SPNS2: variants seen among roughly 807,000 people sequenced by gnomAD.
SPNS2 encodes the protein sphingosine-1-phosphate transporter SPNS2.
Under a neutral mutation model 57.6 loss-of-function variants are expected in SPNS2, and 37 were observed. The ratio of observed to expected loss-of-function variants is 0.64; its 90% CI spans 0.49 to 0.85. SPNS2 has a LOEUF of 0.85. Ranked by LOEUF, SPNS2 falls within the 40% of genes least tolerant of loss-of-function variation. The pLI, the probability that SPNS2 is intolerant of heterozygous loss-of-function variation, is 0.00. For synonymous variants in SPNS2, 440 were observed against 346.9 expected (o/e 1.27, Z -2.98); for missense variants, 831 against 779.1 (o/e 1.07, Z -0.79).
Position 4,513,114 on chromosome 17 carries a change from G to C in SPNS2, c.371-133G>C, listed in dbSNP as rs1378970355. On this transcript the variant is annotated intron_variant, in intron 1 of 12. Coordinates refer to ENST00000329078, the MANE Select transcript of SPNS2 (RefSeq NM_001124758.3). The stretch of plus-strand genomic sequence containing the variant: ...AAGCCTGGGAAACCTGGGCAGGGTA[G>C]AGGTCGCAGCAGAGCAGGAGTGCCG... 6.4e-6 allele frequency: 6 copies of C among 936,742 alleles called. No individual in the cohort carries two copies. The African/African-American group carries it at 9.7e-5, about 15-fold the overall frequency. The allele number at this position is 936,742 out of a possible 1,614,324, so 58.0% of individuals were successfully genotyped here.
intron 9 of SPNS2, among the ~76,000 whole-genome samples, chr17:4,535,114 C>G (rs115533758): frequency 6.6e-6 from 1 of 152,120 alleles, no homozygotes; most frequent in Admixed American, 6.5e-5. Flanking sequence ...AGCTGGAGCT[C>G]GGGGAACAGG....
chr17:4,538,801 T>TGGGGTG lies in SPNS2; in HGVS notation c.*1361_*1366dup, dbSNP rs1597374109. The TGGGGTG allele has an allele frequency of 2.6e-6, 2 of 758,828 alleles. No homozygotes were observed. The highest frequency in any genetic ancestry group is 3.7e-5 in the Admixed American group (2 of 53,428). The allele number at this position is 758,828 out of a possible 1,614,324, so 47.0% of individuals were successfully genotyped here. On this transcript the variant is annotated 3_prime_UTR_variant, in exon 13 of 13. Coordinates refer to ENST00000329078, the MANE Select transcript of SPNS2 (RefSeq NM_001124758.3). ...GTACCCCGAGGGCCTGACAAGAGGA[T>TGGGGTG]GGGGTGGGGGTGGCATCCTCCAAAG...
At chr17:4,532,938 G>C (rs377184157) in intron 6 of SPNS2, 39 bp from the exon 7 acceptor site, 6 of 1,586,218 alleles carry the variant, frequency 3.8e-6, no homozygotes, top group Middle Eastern at 3.6e-4. Context: ...GGGTGAAGGA[G>C]GTCCCTGAGC....
At chr17:4,525,922 G>C (rs371886066) in intron 3 of SPNS2, among the ~76,000 whole-genome samples, 3 of 152,348 alleles carry the variant, frequency 2.0e-5, no homozygotes, top group African/African-American at 7.2e-5. Context: ...GTGAGGTAGT[G>C]AGTTCCCCAT....
intron 10 of SPNS2, 23 bp downstream of exon 10, chr17:4,536,197 T>A (rs368768195): frequency 6.8e-6 from 11 of 1,608,360 alleles, no homozygotes; most frequent in African/African-American, 4.0e-5. Flanking sequence ...GGGGTGGGGC[T>A]GGCCAGGGCA....
Position 4,538,033 on chromosome 17 carries a change from G to C in SPNS2, c.*585G>C, listed in dbSNP as rs754107640. ...CGCAACCTGGCAAATGAAGCTGGGC[G>C]CCCAAGTCTCTGGGTACTCCCTGGA... is the stretch of plus-strand genomic sequence containing the variant. On this transcript the variant is annotated 3_prime_UTR_variant, in exon 13 of 13. Transcript: ENST00000329078. The C allele has an allele frequency of 8.5e-6, 3 of 351,324 alleles. No individual in the cohort carries two copies. The highest frequency in any genetic ancestry group is 3.8e-5 in the Admixed American group (1 of 26,394). 21.8% of individuals were successfully genotyped at this position (351,324 alleles called of 1,614,324 possible).
intron 2 of SPNS2, among the ~76,000 whole-genome samples, chr17:4,522,459 C>T (rs1905163360): frequency 6.6e-6 from 1 of 152,186 alleles, no homozygotes. Context: ...CACCCACGCG[C>T]ACTCACTGGC....
At chr17:4,516,325 A>G (rs1234525421) in intron 2 of SPNS2, among the ~76,000 whole-genome samples, 1 of 113,228 alleles carries the variant, frequency 8.8e-6, no homozygotes, top group Non-Finnish European at 1.7e-5. Context: ...CCAAAAAAAA[A>G]AAAAAAAAAA....
chr17:4,530,539 G>C (rs1905416987), intron 3 of SPNS2, 93 bp from the exon 4 acceptor site: 4 of 1,457,200 alleles, frequency 2.7e-6, no homozygotes, highest in Non-Finnish European at 3.8e-6. Flanking sequence ...CTGGCTCCTG[G>C]GCCCTGCAGG....
chr17:4,502,472 G>A (rs1904548112), intron 1 of SPNS2, among the ~76,000 whole-genome samples: 1 of 152,120 alleles, frequency 6.6e-6, no homozygotes, highest in Admixed American at 6.6e-5. Flanking sequence ...TTGAAACCCA[G>A]TATGTGTATT....
At chr17:4,515,552 CAGCT>C (rs1196014984) in intron 2 of SPNS2, among the ~76,000 whole-genome samples, 2 of 152,222 alleles carry the variant, frequency 1.3e-5, no homozygotes, top group Non-Finnish European at 2.9e-5. Flanking sequence ...TACCCCGGCA[CAGCT>C]AGGATGGCTC....
chr17:4,526,608 A>AT, intron 3 of SPNS2, among the ~76,000 whole-genome samples: 1 of 152,034 alleles, frequency 6.6e-6, no homozygotes, highest in Non-Finnish European at 1.5e-5. Context: ...CATCTCAAAA[A>AT]AAAAAAAAGA....
At position 4,512,727 on chromosome 17, in the gene SPNS2, C is replaced by G. The variant is rs981492852; in HGVS notation, c.371-520C>G. Among the ~76,000 whole-genome samples the G allele has an allele frequency of 6.6e-6, 1 of 151,572 alleles. No individual in the cohort carries two copies. Among genetic ancestry groups the G allele is most frequent in the African/African-American group, 2.4e-5 (1 of 41,210 alleles). ...GTGTGCACACACGTGCGTGCGTGTGCAGGTGTGTGTGTGCATGTACAGGTG... is the reference window on the plus strand; with the variant it reads ...GTGTGCACACACGTGCGTGCGTGTGGAGGTGTGTGTGTGCATGTACAGGTG... On this transcript the variant is annotated intron_variant, in intron 1 of 12. Coordinates refer to ENST00000329078, the MANE Select transcript of SPNS2 (RefSeq NM_001124758.3). This position sits in a 1 kb window ranked among gnomAD's most constrained non-coding sequence, Gnocchi z 5.2.
At chr17:4,505,329 G>T (rs1904644069) in intron 1 of SPNS2, among the ~76,000 whole-genome samples, 1 of 152,224 alleles carries the variant, frequency 6.6e-6, no homozygotes. Context: ...AAGGGCACTG[G>T]TAGGTTTGGA....
intron 1 of SPNS2, 144 bp from the exon 2 acceptor site, chr17:4,513,103 T>C (rs1597361079): frequency 1.2e-6 from 1 of 835,064 alleles, no homozygotes; most frequent in Non-Finnish European, 1.9e-6. Flanking sequence ...CTGGGAAACC[T>C]GGGCAGGGTA....
At position 4,538,040 on chromosome 17, in the gene SPNS2, T is replaced by A. The variant is rs1905963014; in HGVS notation, c.*592T>A. The A allele has an allele frequency of 5.7e-6, 2 of 350,666 alleles. No homozygotes were observed. The highest frequency in any genetic ancestry group is 1.1e-5 in the Non-Finnish European group (2 of 175,790). 21.7% of individuals were successfully genotyped at this position (350,666 alleles called of 1,614,324 possible). ...TGGCAAATGAAGCTGGGCGCCCAAG[T>A]CTCTGGGTACTCCCTGGAGGACACT... On this transcript the variant is annotated 3_prime_UTR_variant, in exon 13 of 13. Transcript: ENST00000329078.
intron 3 of SPNS2, among the ~76,000 whole-genome samples, chr17:4,528,071 G>A (rs369909722): frequency 1.3e-5 from 2 of 151,878 alleles, no homozygotes; most frequent in African/African-American, 2.4e-5. Context: ...TGCCCAGGCT[G>A]GAGTGCAATG....
intron 9 of SPNS2, 107 bp downstream of exon 9, chr17:4,533,960 G>C (rs1369359921): frequency 1.0e-5 from 11 of 1,090,064 alleles, no homozygotes; most frequent in South Asian, 3.9e-5. Flanking sequence ...TGGTAGGAAG[G>C]CAGGCCTGCC....
chr17:4,530,529 C>T (rs906991974), intron 3 of SPNS2, 103 bp from the exon 4 acceptor site: 19 of 1,402,242 alleles, frequency 1.4e-5, no homozygotes, highest in African/African-American at 1.3e-4. Flanking sequence ...CTTCTCTCCC[C>T]TGGCTCCTGG....
Sources: gnomAD v4.1 joint callset for allele counts (sites outside exome capture counted in the v4.1 genomes callset) on GRCh38, gnomAD v4.1.1 for gene constraint, Gnocchi (gnomAD v3.1) non-coding constraint, MANE v1.5 for transcripts, NCBI Gene and HGNC (gene_info 2026-07-23, HGNC 2026-07-21) for gene names.